The following ATP2C1 variants were observed in gnomAD, a reference collection of about 807,000 sequenced individuals.
ATP2C1 encodes the protein calcium-transporting ATPase type 2C member 1.
A neutral mutation model predicts 120.5 loss-of-function variants in ATP2C1; 31 were observed. That is an observed-to-expected ratio of 0.26 (90% CI 0.19 to 0.35). The LOEUF is 0.35. Ranked by LOEUF, ATP2C1 falls within the 10% of genes least tolerant of loss-of-function variation. The probability of loss-of-function intolerance (pLI) is 1.00; values close to 1 mark genes in which losing one functional copy is unlikely to be tolerated. For missense variants in ATP2C1, 731 were observed against 1,107.5 expected (o/e 0.66, Z 4.83); for synonymous variants, 351 against 358.7 (o/e 0.98, Z 0.24).
intron 26 of ATP2C1, among the ~76,000 whole-genome samples, chr3:131,012,438 A>G (rs1477725574): frequency 6.6e-6 from 1 of 151,604 alleles, no homozygotes; most frequent in Admixed American, 6.6e-5. Flanking sequence ...TTGTATTTTT[A>G]GTAGAGACGG....
chr3:130,953,378 G>T (rs2060451137), intron 8 of ATP2C1, among the ~76,000 whole-genome samples: 1 of 152,064 alleles, frequency 6.6e-6, no homozygotes, highest in Non-Finnish European at 1.5e-5. Flanking sequence ...ATGATGAAAT[G>T]ATTTCTAAGT....
In ATP2C1 at chr3:130,993,008, G is replaced by T. The variant is rs775704385; in HGVS notation, c.1890+7G>T. 5 of 1,609,618 alleles carry T rather than the reference G, an allele frequency of 3.1e-6. No individual in the cohort carries two copies. In the Admixed American group the frequency reaches 6.7e-5, roughly 21 times the overall value. ...CAAGATGAAAATTATTAAGGTGAGTGTGTAAGAATCAGATTGTTTTATTTC... is the reference window on the plus strand; with the variant it reads ...CAAGATGAAAATTATTAAGGTGAGTTTGTAAGAATCAGATTGTTTTATTTC... On this transcript the variant is annotated splice_region_variant and intron_variant, in intron 21 of 27. Transcript: ENST00000510168.
At chr3:130,969,241 A>G in intron 16 of ATP2C1, 51 bp from the exon 17 acceptor site, 1 of 1,364,118 alleles carries the variant, frequency 7.3e-7, no homozygotes, top group African/African-American at 1.4e-5. Flanking sequence ...TTGTTAAAGG[A>G]AAAAATAATC....
rs1195834734 is a variant in ATP2C1 at position 130,963,956 on chromosome 3, A to T, written c.900-15A>T. ...TTTAACCTACATTTTAATACTTTGT[A>T]TATGTTGGTTATAGTTTGGCTGTAG... is the stretch of plus-strand genomic sequence containing the variant. On this transcript the variant is annotated splice_polypyrimidine_tract_variant and intron_variant, in intron 12 of 27. Transcript: ENST00000510168. The T allele has an allele frequency of 7.4e-6, 12 of 1,612,070 alleles. No homozygotes were observed. The highest frequency in any genetic ancestry group is 1.0e-5 in the Non-Finnish European group (12 of 1,178,584).
chr3:130,921,396 T>A (rs1323750372), intron 2 of ATP2C1, among the ~76,000 whole-genome samples: 1 of 152,234 alleles, frequency 6.6e-6, no homozygotes, highest in Non-Finnish European at 1.5e-5. Context: ...AGGGACAATT[T>A]TACTACTTCC....
chr3:130,915,843 G>A (rs1419064840), intron 2 of ATP2C1, among the ~76,000 whole-genome samples: 17 of 152,182 alleles, frequency 1.1e-4, no homozygotes, highest in Admixed American at 1.0e-3. Context: ...CACTTCAGTA[G>A]TGTGGTTTTA....
At chr3:131,015,578 T>C (rs1304057132) in intron 26 of ATP2C1, among the ~76,000 whole-genome samples, 1 of 152,238 alleles carries the variant, frequency 6.6e-6, no homozygotes, top group African/African-American at 2.4e-5. Flanking sequence ...TTAAGTTCAC[T>C]TGGGCATCTA....
chr3:130,927,741 A>G (rs1184102514), intron 2 of ATP2C1: 1 of 152,280 alleles, frequency 6.6e-6, no homozygotes, highest in East Asian at 1.9e-4. Context: ...ACGCCATGCA[A>G]TGTTGCTGTA....
chr3:130,903,869 C>G (rs1324893637), intron 2 of ATP2C1, among the ~76,000 whole-genome samples: 1 of 152,008 alleles, frequency 6.6e-6, no homozygotes, highest in Non-Finnish European at 1.5e-5. Context: ...TACCCCTTTC[C>G]TCCATCCTTG....
chr3:130,931,932 A>G (rs1051852236), intron 3 of ATP2C1, 90 bp from the exon 4 acceptor site: 1 of 848,502 alleles, frequency 1.2e-6, no homozygotes, highest in Non-Finnish European at 2.0e-6. Context: ...AGTTTCTGTA[A>G]ATGTGATAAT....
intron 12 of ATP2C1, among the ~76,000 whole-genome samples, chr3:130,959,987 T>C (rs547516626): frequency 5.9e-5 from 9 of 152,124 alleles, no homozygotes; most frequent in Admixed American, 2.6e-4. Context: ...ACATAAGATA[T>C]GACACACAAG....
intron 21 of ATP2C1, 55 bp from the exon 22 acceptor site, chr3:130,993,877 A>C: frequency 1.9e-6 from 3 of 1,590,498 alleles, no homozygotes; most frequent in Admixed American, 1.7e-5. Context: ...CTTTGTATGG[A>C]AGCAACATTT....
chr3:130,982,119 G>A (rs557686293), intron 20 of ATP2C1, among the ~76,000 whole-genome samples: 41 of 152,126 alleles, frequency 2.7e-4, no homozygotes, highest in African/African-American at 8.2e-4. Flanking sequence ...GATTTTCTTC[G>A]TGTTTTCTTA....
At chr3:131,013,151 T>C (rs1255541033) in intron 26 of ATP2C1, among the ~76,000 whole-genome samples, 1 of 152,232 alleles carries the variant, frequency 6.6e-6, no homozygotes, top group African/African-American at 2.4e-5. Context: ...CATTTGGAAC[T>C]GGCCGGCACT....
chr3:130,941,222 C>CTGTGTGTGTGTGTG (rs1448986686), intron 7 of ATP2C1, among the ~76,000 whole-genome samples: 5 of 105,128 alleles, frequency 4.8e-5, no homozygotes, highest in African/African-American at 1.7e-4. Context: ...CTGTATTTAA[C>CTGTGTGTGTGTGTG]AGTGTGTGTG....
intron 15 of ATP2C1, 22 bp downstream of exon 15, chr3:130,967,262 A>G: frequency 6.2e-7 from 1 of 1,612,594 alleles, no homozygotes; most frequent in African/African-American, 1.3e-5. Flanking sequence ...TTTTTCCAAG[A>G]TGGTGACTTT....
At chr3:130,907,932 A>T (rs2058215228) in intron 2 of ATP2C1, among the ~76,000 whole-genome samples, 1 of 152,018 alleles carries the variant, frequency 6.6e-6, no homozygotes. Flanking sequence ...TTTGGGTGTG[A>T]CCTTATTCTA....
intron 1 of ATP2C1, among the ~76,000 whole-genome samples, chr3:130,860,814 G>A (rs2067990339): frequency 6.6e-6 from 1 of 152,036 alleles, no homozygotes; most frequent in African/African-American, 2.4e-5. Context: ...TCATTTATGA[G>A]GATAAAGGAG....
At chr3:130,972,559 G>C (rs1027859677) in intron 17 of ATP2C1, among the ~76,000 whole-genome samples, 4 of 150,194 alleles carry the variant, frequency 2.7e-5, no homozygotes, top group Admixed American at 6.6e-5. Flanking sequence ...TGCCATGCTG[G>C]TGTGCTGCAC....
Sources: gnomAD v4.1 joint callset for allele counts (sites outside exome capture counted in the v4.1 genomes callset) on GRCh38, gnomAD v4.1.1 for gene constraint, MANE v1.5 for transcripts, NCBI Gene and HGNC (gene_info 2026-07-23, HGNC 2026-07-21) for gene names.